The following CNTNAP4 variants were observed in gnomAD, a reference collection of about 807,000 sequenced individuals.
The protein encoded by CNTNAP4 is contactin-associated protein-like 4.
A neutral mutation model predicts 148.4 loss-of-function variants in CNTNAP4; 98 were observed. The observed-to-expected ratio is 0.66, with a 90% CI of 0.56 to 0.78. The LOEUF (loss-of-function observed/expected upper bound fraction) is 0.78, where lower values mean the gene tolerates loss of function less well. Ranked by LOEUF, CNTNAP4 falls within the 30% of genes least tolerant of loss-of-function variation. The pLI is 0.00. For missense variants in CNTNAP4, 1,935 were observed against 1,565.6 expected (o/e 1.24, Z -3.98); for synonymous variants, 730 against 565.1 (o/e 1.29, Z -4.14).
At chr16:76,353,825 C>G (rs1055417616) in intron 2 of CNTNAP4, among the ~76,000 whole-genome samples, 2 of 152,280 alleles carry the variant, frequency 1.3e-5, no homozygotes, top group South Asian at 2.1e-4. Context: ...GTTCCACCAT[C>G]AAAATAATCT....
In CNTNAP4 at chr16:76,530,700, C is replaced by G. The variant is rs150452822; in HGVS notation, c.2756-4845C>G. 2.5e-3 allele frequency among the ~76,000 whole-genome samples: 386 copies of G among 152,296 alleles called. 3 individuals carry two copies. The highest frequency in any genetic ancestry group is 8.9e-3 in the African/African-American group (369 of 41,564). On this transcript the variant is annotated intron_variant, in intron 17 of 23. Transcript: ENST00000611870. ...TGACACTGTCACTTGCAACAGCTGC[C>G]TCTTTGAACCACGATAGTTCTTTGA...
chr16:76,448,474 T>C (rs999175094), intron 5 of CNTNAP4, among the ~76,000 whole-genome samples: 4 of 152,086 alleles, frequency 2.6e-5, no homozygotes, highest in South Asian at 2.1e-4. Context: ...GGATGGGTCA[T>C]TGAAAAATGT....
chr16:76,289,240 G>T (rs980171542), intron 1 of CNTNAP4, among the ~76,000 whole-genome samples: 2 of 152,050 alleles, frequency 1.3e-5, no homozygotes, highest in Non-Finnish European at 2.9e-5. Flanking sequence ...TGTAGCACGT[G>T]CCCGATCATC....
At position 76,521,301 on chromosome 16, in the gene CNTNAP4, G is replaced by C. The variant is rs1227140582; in HGVS notation, c.2527G>C (p.Glu843Gln). 2 of 1,604,014 alleles carry C rather than the reference G, an allele frequency of 1.2e-6. No homozygotes were observed. The change falls in exon 16 of 24, where the codon GAG (glutamate) becomes CAG (glutamine). Residue 843 changes from glutamate to glutamine, a missense_variant. Physicochemically the swap from Glu to Gln is conservative, Grantham distance 29 (BLOSUM62 2). Transcript: ENST00000611870. ...NLGIADFIRI[E>Q]LRSPTVVTFS... The stretch of plus-strand genomic sequence containing the variant: ...GGGGATTGCTGATTTTATACGGATA[G>C]AGCTTCGCTGTAAGTCTCCTTTTCC...
chr16:76,464,312 G>A (rs1007649149), intron 9 of CNTNAP4, among the ~76,000 whole-genome samples: 6 of 152,118 alleles, frequency 3.9e-5, no homozygotes, highest in Non-Finnish European at 7.4e-5. Flanking sequence ...ACTGGAGGAG[G>A]GCTAAAGTAG....
intron 3 of CNTNAP4, among the ~76,000 whole-genome samples, chr16:76,369,006 A>G (rs1210222573): frequency 6.6e-6 from 1 of 151,838 alleles, no homozygotes; most frequent in African/African-American, 2.4e-5. Flanking sequence ...AAAAAACAGT[A>G]AAAAATAAAG....
intron 1 of CNTNAP4, among the ~76,000 whole-genome samples, chr16:76,308,256 C>G (rs1567647497): frequency 1.3e-5 from 2 of 152,060 alleles, no homozygotes; most frequent in African/African-American, 4.8e-5. Flanking sequence ...CTTAAAGAAG[C>G]TAAAGAACTG....
At chr16:76,461,824 A>G in intron 8 of CNTNAP4, 132 bp from the exon 9 acceptor site, 2 of 676,302 alleles carry the variant, frequency 3.0e-6, no homozygotes, top group Non-Finnish European at 4.8e-6. Flanking sequence ...TTCCTTGTTG[A>G]TGTCATTGTT....
At chr16:76,552,579 G>T (rs1000779036) in intron 21 of CNTNAP4, among the ~76,000 whole-genome samples, 1 of 152,184 alleles carries the variant, frequency 6.6e-6, no homozygotes, top group African/African-American at 2.4e-5. Context: ...AGGAGGAAGA[G>T]ATTATCTGTC....
intron 1 of CNTNAP4, among the ~76,000 whole-genome samples, chr16:76,282,838 T>C (rs927675407): frequency 1.4e-4 from 21 of 152,058 alleles, no homozygotes; most frequent in African/African-American, 5.1e-4. Flanking sequence ...AAAAATATGA[T>C]GTAATATCAT....
chr16:76,553,784 C>A (rs889114949), intron 22 of CNTNAP4, 52 bp from the exon 23 acceptor site: 1 of 1,150,560 alleles, frequency 8.7e-7, no homozygotes, highest in South Asian at 1.3e-5. Flanking sequence ...TTCAAAATTT[C>A]TTCTTTTACT....
chr16:76,498,200 G>A lies in CNTNAP4; in HGVS notation c.2238-367G>A, dbSNP rs527940136. Among the ~76,000 whole-genome samples, 8 of 152,268 alleles carry A rather than the reference G, an allele frequency of 5.3e-5. No homozygotes were observed. The South Asian group carries it at 1.4e-3, about 28-fold the overall frequency. On this transcript the variant is annotated intron_variant, in intron 14 of 23. Transcript: ENST00000611870. The stretch of plus-strand genomic sequence containing the variant: ...GAGGCCAGGAGTTCAAGACCAGCCT[G>A]GCCAACATGGCAAAACCCTGACTCT...
chr16:76,458,453 T>C (rs191595581), intron 8 of CNTNAP4, among the ~76,000 whole-genome samples: 309 of 152,276 alleles, frequency 2.0e-3, no homozygotes, highest in Non-Finnish European at 3.4e-3. Context: ...CAACTCATCA[T>C]AATGTGGAAT....
chr16:76,408,266 G>A (rs1276473796), intron 3 of CNTNAP4, among the ~76,000 whole-genome samples: 1 of 67,458 alleles, frequency 1.5e-5, no homozygotes, highest in African/African-American at 3.2e-5. Context: ...CTGTACCTAT[G>A]ATAAGTAAAG....
At chr16:76,303,163 G>A (rs1306186146) in intron 1 of CNTNAP4, among the ~76,000 whole-genome samples, 2 of 152,118 alleles carry the variant, frequency 1.3e-5, no homozygotes, top group Admixed American at 6.6e-5. Flanking sequence ...CTAATCTCAT[G>A]TTATTGCTCA....
intron 21 of CNTNAP4, among the ~76,000 whole-genome samples, chr16:76,544,413 G>A (rs1211662736): frequency 6.6e-6 from 1 of 152,036 alleles, no homozygotes; most frequent in East Asian, 1.9e-4. Flanking sequence ...AATATTACTA[G>A]CAGATATTGA....
At chr16:76,290,868 G>A (rs1221811349) in intron 1 of CNTNAP4, among the ~76,000 whole-genome samples, 1 of 152,196 alleles carries the variant, frequency 6.6e-6, no homozygotes, top group African/African-American at 2.4e-5. Flanking sequence ...CCATCAAAAT[G>A]CCATCTAGGT....
At position 76,560,229 on chromosome 16, in the gene CNTNAP4, G is replaced by A. The variant is rs969043178; in HGVS notation, c.*1546G>A. Among the ~76,000 whole-genome samples, 3 of 152,130 alleles carry A rather than the reference G, an allele frequency of 2.0e-5. No homozygotes were observed. Among genetic ancestry groups the A allele is most frequent in the East Asian group, 1.9e-4 (1 of 5,196 alleles). ...TTAGTTTGTCTACACCAGAAGAATC[G>A]GGAAATATGTAAATTTAGCATTACT... On this transcript the variant is annotated 3_prime_UTR_variant, in exon 24 of 24. Transcript: ENST00000611870.
chr16:76,480,722 G>T (rs186851640), intron 12 of CNTNAP4, among the ~76,000 whole-genome samples: 166 of 152,210 alleles, frequency 1.1e-3, no homozygotes, highest in Non-Finnish European at 1.8e-3. Flanking sequence ...TGGTGACAGA[G>T]TGAGACTCTG....
Sources: gnomAD v4.1 joint callset for allele counts (sites outside exome capture counted in the v4.1 genomes callset) on GRCh38, gnomAD v4.1.1 for gene constraint, MANE v1.5 for transcripts, NCBI Gene and HGNC (gene_info 2026-07-23, HGNC 2026-07-21) for gene names.